The following SCHIP1 variants were observed in gnomAD, a reference collection of about 807,000 sequenced individuals.
The protein encoded by SCHIP1 is schwannomin-interacting protein 1.
A neutral mutation model predicts 29.7 loss-of-function variants in SCHIP1; 8 were observed. The observed-to-expected ratio is 0.27, with a 90% CI of 0.16 to 0.49. The LOEUF is 0.49. Ranked by LOEUF, SCHIP1 falls within the 20% of genes least tolerant of loss-of-function variation. The probability of loss-of-function intolerance (pLI) is 0.99; values close to 1 mark genes in which losing one functional copy is unlikely to be tolerated. For synonymous variants in SCHIP1, 76 were observed against 94.9 expected (o/e 0.80, Z 1.16); for missense variants, 193 against 294.6 (o/e 0.66, Z 2.52).
chr3:159,345,818 A>G, the SCHIP1 span, among the ~76,000 whole-genome samples: 1 of 152,166 alleles, frequency 6.6e-6, no homozygotes, highest in African/African-American at 2.4e-5. Flanking sequence ...GTCTTGGAAC[A>G]TCCCAGGGCC....
intron 6 of SCHIP1, 189 bp downstream of exon 7, chr3:159,892,379 T>C: frequency 1.6e-6 from 1 of 637,638 alleles, no homozygotes; most frequent in East Asian, 2.7e-5. Flanking sequence ...ATGCATGCTT[T>C]TTAGCAACCA....
the SCHIP1 span, among the ~76,000 whole-genome samples, chr3:159,412,299 A>G: frequency 6.6e-6 from 1 of 152,224 alleles, no homozygotes; most frequent in Admixed American, 6.5e-5. Context: ...ATTAGACTGC[A>G]TCTTTTGTTA....
intron 6 of SCHIP1, 84 bp downstream of exon 7, chr3:159,892,274 A>T: frequency 6.7e-7 from 1 of 1,492,490 alleles, no homozygotes; most frequent in Non-Finnish European, 9.2e-7. Context: ...AGCTCAAGAG[A>T]ACTTCTTCCT....
At chr3:159,780,374 T>G in the SCHIP1 span, among the ~76,000 whole-genome samples, 1 of 152,208 alleles carries the variant, frequency 6.6e-6, no homozygotes. Context: ...GCATTGGTTT[T>G]AATTGCTTGC....
the SCHIP1 span, among the ~76,000 whole-genome samples, chr3:159,810,462 G>T: frequency 6.6e-6 from 1 of 152,108 alleles, no homozygotes. Context: ...CTTGCTCATT[G>T]GCAGTCTATC....
the SCHIP1 span, among the ~76,000 whole-genome samples, chr3:159,419,707 T>C: frequency 6.6e-6 from 1 of 151,692 alleles, no homozygotes; most frequent in South Asian, 2.1e-4. Flanking sequence ...TACTAGGGAG[T>C]CTGAGGCAGA....
At chr3:159,495,263 C>T in the SCHIP1 span, among the ~76,000 whole-genome samples, 3 of 152,156 alleles carry the variant, frequency 2.0e-5, no homozygotes, top group South Asian at 4.1e-4. Flanking sequence ...CCAGGGCAAT[C>T]AGGCAGGAGA....
At chr3:159,352,524 C>T in the SCHIP1 span, among the ~76,000 whole-genome samples, 1,201 of 152,212 alleles carry the variant, frequency 7.9e-3, 18 homozygotes, top group African/African-American at 0.027. Context: ...CAGTATAATC[C>T]AGCAACTTTA....
chr3:159,315,483 C>A, the SCHIP1 span, among the ~76,000 whole-genome samples: 7 of 151,180 alleles, frequency 4.6e-5, no homozygotes, highest in Admixed American at 4.6e-4. Flanking sequence ...CCACCTCAGC[C>A]TCCCAAAGTG....
the SCHIP1 span, among the ~76,000 whole-genome samples, chr3:159,631,776 C>T: frequency 1.3e-5 from 2 of 152,050 alleles, 1 homozygote; most frequent in South Asian, 4.1e-4. Flanking sequence ...GAATGTATTT[C>T]GTGCCACTGA....
chr3:159,425,345 A>C, the SCHIP1 span, among the ~76,000 whole-genome samples: 1 of 150,978 alleles, frequency 6.6e-6, no homozygotes, highest in Non-Finnish European at 1.5e-5. Flanking sequence ...GGATGGAGGA[A>C]GATCTACCAA....
chr3:159,640,032 GTATCT>G, the SCHIP1 span, among the ~76,000 whole-genome samples: 2 of 152,092 alleles, frequency 1.3e-5, no homozygotes, highest in Non-Finnish European at 2.9e-5. Flanking sequence ...TACAAAGCAA[GTATCT>G]TATCTGGAGT....
chr3:159,578,068 G>T, the SCHIP1 span, among the ~76,000 whole-genome samples: 27 of 152,236 alleles, frequency 1.8e-4, no homozygotes, highest in Admixed American at 5.2e-4. Context: ...CCCGGTTTTG[G>T]GGGGGTGGAA....
the SCHIP1 span, among the ~76,000 whole-genome samples, chr3:159,508,680 T>C: frequency 6.6e-4 from 100 of 152,332 alleles, no homozygotes; most frequent in African/African-American, 2.3e-3. Flanking sequence ...TTTGTTTTTG[T>C]TGGTTTCAAA....
chr3:159,564,398 C>T, the SCHIP1 span, among the ~76,000 whole-genome samples: 16 of 150,978 alleles, frequency 1.1e-4, no homozygotes, highest in Non-Finnish European at 1.9e-4. Context: ...TTTTTTTAGA[C>T]GGAGTTTCAC....
chr3:159,377,197 C>A, the SCHIP1 span, among the ~76,000 whole-genome samples: 2 of 152,300 alleles, frequency 1.3e-5, no homozygotes, highest in South Asian at 4.1e-4. Flanking sequence ...TCCTTTGATA[C>A]AAATAGCCTA....
chr3:159,392,957 C>T, the SCHIP1 span, among the ~76,000 whole-genome samples: 10 of 152,328 alleles, frequency 6.6e-5, no homozygotes, highest in East Asian at 9.6e-4. Context: ...TACCTCTCCA[C>T]GTCCTCTCCA....
At chr3:159,757,052 T>C in the SCHIP1 span, among the ~76,000 whole-genome samples, 3 of 152,226 alleles carry the variant, frequency 2.0e-5, no homozygotes, top group Non-Finnish European at 2.9e-5. Context: ...TCCAAACTGT[T>C]CTAACCTCTG....
the SCHIP1 span, among the ~76,000 whole-genome samples, chr3:159,366,200 C>T: frequency 5.9e-5 from 9 of 151,890 alleles, no homozygotes; most frequent in Admixed American, 2.0e-4. Flanking sequence ...GGCTGGGAGG[C>T]GCCACACACT....
Sources: gnomAD v4.1 joint callset for allele counts (sites outside exome capture counted in the v4.1 genomes callset) on GRCh38, gnomAD v4.1.1 for gene constraint, MANE v1.5 for transcripts, NCBI Gene and HGNC (gene_info 2026-07-23, HGNC 2026-07-21) for gene names.